The following DTX1 variants were observed in gnomAD, a reference collection of about 807,000 sequenced individuals.
DTX1 encodes deltex E3 ubiquitin ligase 1.
A neutral mutation model predicts 57.8 loss-of-function variants in DTX1; 26 were observed. That is an observed-to-expected ratio of 0.45 (90% CI 0.33 to 0.62). The LOEUF is 0.62. Among genes scored for constraint, DTX1 ranks in the 20% least tolerant of loss-of-function variants. DTX1 has a pLI of 0.02. For synonymous variants in DTX1, 398 were observed against 394.1 expected, an observed-to-expected ratio of 1.01 and a Z score of -0.12; for missense variants, 704 against 895.3, an observed-to-expected ratio of 0.79 and a Z score of 2.73.
At chr12:113,065,888 CCTAA>C (rs1262406346) in intron 2 of DTX1, among the ~76,000 whole-genome samples, 7 of 152,080 alleles carry the variant, frequency 4.6e-5, no homozygotes, top group African/African-American at 1.7e-4. Flanking sequence ...GGTTGAGGTC[CCTAA>C]CTCTCTCTCC....
chr12:113,057,843 A>G lies in DTX1; in HGVS notation c.-350A>G. Reference sequence around the variant, plus strand: ...GAAGAGGGACCAAGAGACAACACGGAAGAGGCTGGACCTCGAACAGGGGCG... The same window carrying G: ...GAAGAGGGACCAAGAGACAACACGGGAGAGGCTGGACCTCGAACAGGGGCG... On this transcript the variant is annotated 5_prime_UTR_variant, in exon 2 of 10. Coordinates refer to ENST00000548759, the MANE Select transcript of DTX1 (RefSeq NM_004416.3). The G allele has an allele frequency of 3.7e-6, 1 of 273,364 alleles. No homozygotes were observed. The highest frequency in any genetic ancestry group is 6.9e-6 in the Non-Finnish European group (1 of 144,426). The allele number at this position is 273,364 out of a possible 1,614,324, so 16.9% of individuals were successfully genotyped here. A position where few individuals can be genotyped will look rare whatever the true frequency, so the allele number is the denominator to read the frequency against.
rs144994750 is a variant in DTX1, at chr12:113,076,269, G to A, written c.260-1155G>A. Reference sequence around the variant, plus strand: ...AGGTCAGGAGTTCGAGACCAGCCTGGCCAACATGGCAAAACCCCATCTCTA... The same window carrying A: ...AGGTCAGGAGTTCGAGACCAGCCTGACCAACATGGCAAAACCCCATCTCTA... On this transcript the variant is annotated intron_variant, in intron 2 of 9. Coordinates refer to ENST00000548759, the MANE Select transcript of DTX1 (RefSeq NM_004416.3). Among the ~76,000 whole-genome samples, 616 of 152,086 alleles carry A rather than the reference G, an allele frequency of 4.1e-3. 7 individuals are homozygous for A. Among genetic ancestry groups the A allele is most frequent in the African/African-American group, 0.014 (600 of 41,460 alleles).
At chr12:113,080,589 AGAATGGAATG>A (rs111327121) in intron 3 of DTX1, among the ~76,000 whole-genome samples, 86 of 151,278 alleles carry the variant, frequency 5.7e-4, no homozygotes, top group South Asian at 4.0e-3. Context: ...TTCTTGGAAC[AGAATGGAATG>A]GAATGGAATG....
intron 3 of DTX1, among the ~76,000 whole-genome samples, chr12:113,092,376 A>G (rs1453401661): frequency 6.6e-6 from 1 of 151,568 alleles, no homozygotes; most frequent in Non-Finnish European, 1.5e-5. Context: ...ACCACCCCTT[A>G]CAAGAGATGA....
Position 113,092,405 on chromosome 12 carries a change from G to A in DTX1, c.942-757G>A, listed in dbSNP as rs373611766. Reference sequence around the variant, plus strand: ...GAGATGAGATGATGTGCTGTGTGTCGCCCAGCTCATTAGTGGTTGAACTGA... The same window carrying A: ...GAGATGAGATGATGTGCTGTGTGTCACCCAGCTCATTAGTGGTTGAACTGA... On this transcript the variant is annotated intron_variant, in intron 3 of 9. Transcript: ENST00000548759. Among the ~76,000 whole-genome samples, 9 of 151,798 alleles carry A rather than the reference G, an allele frequency of 5.9e-5. No homozygotes were observed. The East Asian group carries it at 1.3e-3, about 23-fold the overall frequency.
chr12:113,084,529 G>A (rs2044842014), intron 3 of DTX1, among the ~76,000 whole-genome samples: 1 of 152,112 alleles, frequency 6.6e-6, no homozygotes, highest in African/African-American at 2.4e-5. Flanking sequence ...GAGACTAAAG[G>A]TATGCACCAC....
At chr12:113,086,257 T>G (rs1345772407) in intron 3 of DTX1, among the ~76,000 whole-genome samples, 1 of 122,780 alleles carries the variant, frequency 8.1e-6, no homozygotes, top group Non-Finnish European at 1.8e-5. Flanking sequence ...AAACCCTGTA[T>G]CAAGAAAAAA....
At chr12:113,071,645 C>T (rs1177541351) in intron 2 of DTX1, among the ~76,000 whole-genome samples, 1 of 152,230 alleles carries the variant, frequency 6.6e-6, no homozygotes, top group Non-Finnish European at 1.5e-5. Context: ...ATGGCCACTG[C>T]GGAGGAGAAG....
In DTX1 at chr12:113,095,075, A is replaced by G. The variant is rs1429626903; in HGVS notation, c.1420A>G (p.Ile474Val). The change falls in exon 8 of 10, where the codon ATC becomes GTC. Residue 474 changes from isoleucine to valine, a missense_variant. This residue lies in a region of DTX1 where 168 missense variants were observed against 255.6 expected (regional missense o/e 0.66). Coordinates refer to ENST00000548759, the MANE Select transcript of DTX1 (RefSeq NM_004416.3). ...GSLQCPTCKA[I>V]YGEKTGTQPP... is the part of the protein sequence containing the mutation. Reference sequence around the variant, plus strand: ...CCTGCAGTGCCCCACCTGCAAGGCCATCTACGGGGAGAAGACGGGTACGCA... The same window carrying G: ...CCTGCAGTGCCCCACCTGCAAGGCCGTCTACGGGGAGAAGACGGGTACGCA... 13 of 1,613,150 alleles carry G rather than the reference A, an allele frequency of 8.1e-6. No homozygotes were observed. Among genetic ancestry groups the G allele is most frequent in the African/African-American group, 1.3e-5 (1 of 74,904 alleles).
At chr12:113,068,640 G>A (rs962972382) in intron 2 of DTX1, among the ~76,000 whole-genome samples, 5 of 152,224 alleles carry the variant, frequency 3.3e-5, no homozygotes, top group African/African-American at 1.2e-4. Flanking sequence ...ATGGGCTTCA[G>A]AGGCTACTCT....
In DTX1 at chr12:113,080,493, T is replaced by C. The variant is rs184634749; in HGVS notation, c.941+2388T>C. 3.3e-3 allele frequency among the ~76,000 whole-genome samples: 501 copies of C among 152,242 alleles called. 5 individuals are homozygous for C. Among genetic ancestry groups the C allele is most frequent in the Admixed American group, 0.024 (363 of 15,282 alleles). On this transcript the variant is annotated intron_variant, in intron 3 of 9. Transcript: ENST00000548759. ...AGTAAGAATTTGAGAACCTTCTCTC[T>C]GGGTAAATTTATTGTAACCCACAAG...
intron 3 of DTX1, among the ~76,000 whole-genome samples, chr12:113,080,946 G>T (rs531513687): frequency 6.7e-6 from 1 of 149,926 alleles, no homozygotes; most frequent in South Asian, 2.1e-4. Flanking sequence ...CTGCACTGCA[G>T]CCTGAGAGAC....
chr12:113,077,292 C>T lies in DTX1; in HGVS notation c.260-132C>T. The stretch of plus-strand genomic sequence containing the variant: ...GCATGTGTTGACCCTCTCCCCAAGT[C>T]TGGGTGGACCCCCTGGAGGCCTGTG... On this transcript the variant is annotated intron_variant, in intron 2 of 9. Transcript: ENST00000548759. The surrounding 1 kb of genome is among the most constrained non-coding windows in gnomAD (Gnocchi z 7.8). 1 of 1,033,904 alleles carries T rather than the reference C, an allele frequency of 9.7e-7. No individual in the cohort carries two copies. The highest frequency in any genetic ancestry group is 1.4e-6 in the Non-Finnish European group (1 of 731,670). 64.0% of individuals were successfully genotyped at this position (1,033,904 alleles called of 1,614,324 possible).
intron 2 of DTX1, among the ~76,000 whole-genome samples, chr12:113,071,936 G>A (rs1170768207): frequency 6.6e-6 from 1 of 152,230 alleles, no homozygotes; most frequent in East Asian, 1.9e-4. Flanking sequence ...CAGGAAAATC[G>A]ATACCTGGTA....
In DTX1 at chr12:113,095,371, T is replaced by C; in HGVS notation, c.1595T>C (p.Phe532Ser). The change falls in exon 9 of 10, where the codon TTC becomes TCC. Residue 532 changes from phenylalanine to serine, a missense_variant. Around this residue, in one of 3 missense-constraint regions of DTX1, gnomAD observed 168 missense variants for 255.6 expected, o/e 0.66. Coordinates refer to ENST00000548759, the MANE Select transcript of DTX1 (RefSeq NM_004416.3). ...GGGAAGAAGTTCACCGCAAGAGGAT[T>C]CCCTCGCCACTGCTATCTACCCAAC... ...NPGKKFTARG[F>S]PRHCYLPNNE... is the part of the protein sequence containing the mutation. The C allele has an allele frequency of 6.2e-7, 1 of 1,614,192 alleles. No homozygotes were observed. Among genetic ancestry groups the C allele is most frequent in the Non-Finnish European group, 8.5e-7 (1 of 1,180,034 alleles).
chr12:113,096,033 C>T (rs1950287136), intron 9 of DTX1, among the ~76,000 whole-genome samples: 1 of 152,058 alleles, frequency 6.6e-6, no homozygotes, highest in South Asian at 2.1e-4. Flanking sequence ...TGGTGAAACC[C>T]CGTCTCTACT....
At chr12:113,082,309 A>T (rs1293839902) in intron 3 of DTX1, among the ~76,000 whole-genome samples, 1 of 152,102 alleles carries the variant, frequency 6.6e-6, no homozygotes, top group Admixed American at 6.5e-5. Flanking sequence ...CCAACGCTCC[A>T]TCTCCAAGAA....
intron 2 of DTX1, among the ~76,000 whole-genome samples, chr12:113,076,821 A>C (rs181792478): frequency 6.6e-6 from 1 of 152,324 alleles, no homozygotes; most frequent in Non-Finnish European, 1.5e-5. Context: ...TGATGAATGA[A>C]TCATTGAATG....
Position 113,077,335 on chromosome 12 carries a change from C to G in DTX1, c.260-89C>G. On this transcript the variant is annotated intron_variant, in intron 2 of 9. Coordinates refer to ENST00000548759, the MANE Select transcript of DTX1 (RefSeq NM_004416.3). This position sits in a 1 kb window ranked among gnomAD's most constrained non-coding sequence, Gnocchi z 7.8. ...GGCCTGTGCTGACCCCCCAACCTCCCGCCCACCCTTGCCTGGCTGTGGCCC... is the reference window on the plus strand; with the variant it reads ...GGCCTGTGCTGACCCCCCAACCTCCGGCCCACCCTTGCCTGGCTGTGGCCC... 7.0e-7 allele frequency: 1 copy of G among 1,435,964 alleles called. No homozygotes were observed. Among genetic ancestry groups the G allele is most frequent in the Non-Finnish European group, 9.2e-7 (1 of 1,082,666 alleles). The allele number at this position is 1,435,964 out of a possible 1,614,324, so 89.0% of individuals were successfully genotyped here.
Sources: gnomAD v4.1 joint callset for allele counts (sites outside exome capture counted in the v4.1 genomes callset) on GRCh38, gnomAD v4.1.1 for gene constraint, gnomAD v4.1.1 regional missense constraint, Gnocchi (gnomAD v3.1) non-coding constraint, MANE v1.5 for transcripts, NCBI Gene and HGNC (gene_info 2026-07-23, HGNC 2026-07-21) for gene names.